KIF6: variants seen among roughly 807,000 people sequenced by gnomAD.
The protein encoded by KIF6 is kinesin-like protein KIF6.
KIF6 carries 106 observed loss-of-function variants against 112.7 expected under a neutral mutation model. The observed-to-expected ratio is 0.94, with a 90% CI of 0.80 to 1.11. The LOEUF (loss-of-function observed/expected upper bound fraction) is 1.11, where lower values mean the gene tolerates loss of function less well. Among genes scored for constraint, KIF6 ranks in the 50% least tolerant of loss-of-function variants. The probability of loss-of-function intolerance (pLI) is 0.00; values close to 1 mark genes in which losing one functional copy is unlikely to be tolerated. For synonymous variants in KIF6, 339 were observed against 339.9 expected (o/e 1.00, Z 0.03); for missense variants, 929 against 964.0 (o/e 0.96, Z 0.48).
Position 39,347,134 on chromosome 6 carries a change from A to T in KIF6, c.2181-608T>A, listed in dbSNP as rs536493514. 7.6e-4 allele frequency among the ~76,000 whole-genome samples: 116 copies of T among 152,374 alleles called. 2 individuals are homozygous for T. Among genetic ancestry groups the T allele is most frequent in the African/African-American group, 2.5e-3 (103 of 41,594 alleles). On this transcript the variant is annotated intron_variant, in intron 19 of 22. Transcript: ENST00000287152. Reference sequence around the variant, plus strand: ...CATCGTCTCCATTTTATACATGAGAAAACTGAGGCTTAGACAGATTAAAGA... The same window carrying T: ...CATCGTCTCCATTTTATACATGAGATAACTGAGGCTTAGACAGATTAAAGA...
intron 6 of KIF6, among the ~76,000 whole-genome samples, chr6:39,604,229 G>A (rs551461374): frequency 2.2e-4 from 33 of 152,230 alleles, no homozygotes; most frequent in African/African-American, 7.9e-4. Flanking sequence ...TGGCCTTTCA[G>A]GTTAAACCTC....
intron 3 of KIF6, among the ~76,000 whole-genome samples, chr6:39,712,387 T>C (rs1277962629): frequency 1.3e-5 from 2 of 152,030 alleles, no homozygotes; most frequent in Non-Finnish European, 2.9e-5. Context: ...TTCTTATTGA[T>C]AAAAGATAAA....
At chr6:39,606,312 A>G (rs1582255722) in intron 6 of KIF6, among the ~76,000 whole-genome samples, 1 of 152,006 alleles carries the variant, frequency 6.6e-6, no homozygotes, top group South Asian at 2.1e-4. Flanking sequence ...GCTATTTTTT[A>G]AAAAACAAAG....
At chr6:39,421,025 T>G (rs923747476) in intron 14 of KIF6, among the ~76,000 whole-genome samples, 3 of 152,196 alleles carry the variant, frequency 2.0e-5, no homozygotes, top group Non-Finnish European at 2.9e-5. Flanking sequence ...CTATACATAG[T>G]GGGCCCTCAT....
chr6:39,530,984 T>C (rs13199465), intron 13 of KIF6, among the ~76,000 whole-genome samples: 1 of 152,102 alleles, frequency 6.6e-6, no homozygotes, highest in African/African-American at 2.4e-5. Flanking sequence ...GCCGCCTTGA[T>C]TCATCCACAA....
chr6:39,597,680 C>T (rs1027600293), intron 6 of KIF6, among the ~76,000 whole-genome samples: 9 of 152,128 alleles, frequency 5.9e-5, no homozygotes, highest in African/African-American at 2.2e-4. Context: ...TACCATAAAA[C>T]ATGGAAGCAT....
At chr6:39,421,935 T>C (rs1195611932) in intron 14 of KIF6, among the ~76,000 whole-genome samples, 2 of 152,094 alleles carry the variant, frequency 1.3e-5, no homozygotes, top group Non-Finnish European at 2.9e-5. Context: ...ATGAGGACCA[T>C]CTTCAACTCT....
chr6:39,540,886 T>C (rs1195165146), intron 12 of KIF6, among the ~76,000 whole-genome samples: 1 of 152,238 alleles, frequency 6.6e-6, no homozygotes, highest in Admixed American at 6.5e-5. Flanking sequence ...CATTGAGATA[T>C]GCCAGGACCA....
chr6:39,610,391 A>G (rs1783151140), intron 6 of KIF6, among the ~76,000 whole-genome samples: 1 of 152,246 alleles, frequency 6.6e-6, no homozygotes, highest in African/African-American at 2.4e-5. Context: ...ATGAAAGGAA[A>G]GAGCACTCCA....
In KIF6 at chr6:39,343,635, C is replaced by T. The variant is rs1000819406; in HGVS notation, c.2428+74G>A. 4.7e-6 allele frequency: 6 copies of T among 1,275,850 alleles called. No homozygotes were observed. Among genetic ancestry groups the T allele is most frequent in the Non-Finnish European group, 6.6e-6 (6 of 907,994 alleles). The allele number at this position is 1,275,850 out of a possible 1,614,324, so 79.0% of individuals were successfully genotyped here. ...TGCAGGAAACTCCCTACTCCCCTCC[C>T]ACCTCACTGTGTGCTCCCCACAAGT... On this transcript the variant is annotated intron_variant, in intron 22 of 22. Coordinates refer to ENST00000287152, the MANE Select transcript of KIF6 (RefSeq NM_145027.6). This position sits in a 1 kb window ranked among gnomAD's most constrained non-coding sequence, Gnocchi z 4.1.
chr6:39,570,720 A>G (rs962761158), intron 10 of KIF6, among the ~76,000 whole-genome samples: 1 of 152,068 alleles, frequency 6.6e-6, no homozygotes, highest in Non-Finnish European at 1.5e-5. Context: ...TGGTTTTATA[A>G]GAGGCTTTTC....
chr6:39,495,136 C>T (rs911919521), intron 13 of KIF6, among the ~76,000 whole-genome samples: 3 of 152,186 alleles, frequency 2.0e-5, no homozygotes, highest in Non-Finnish European at 4.4e-5. Context: ...CAAAATGGGA[C>T]AAATTACTGT....
chr6:39,718,202 C>G (rs182521952), intron 2 of KIF6, among the ~76,000 whole-genome samples: 2 of 135,688 alleles, frequency 1.5e-5, no homozygotes, highest in Admixed American at 1.7e-4. Flanking sequence ...TGCACTCCAG[C>G]CTGGGCGACA....
chr6:39,642,607 C>G (rs914438859), intron 3 of KIF6, among the ~76,000 whole-genome samples: 2 of 152,016 alleles, frequency 1.3e-5, no homozygotes, highest in Admixed American at 6.6e-5. Flanking sequence ...GCCCTGTCCT[C>G]GGGGTGTTTG....
chr6:39,373,641 A>G (rs1766208011), intron 16 of KIF6, among the ~76,000 whole-genome samples: 1 of 152,168 alleles, frequency 6.6e-6, no homozygotes, highest in Non-Finnish European at 1.5e-5. Context: ...CAAAAAACCC[A>G]AAGAACAAAC....
chr6:39,621,526 A>G (rs2465678), intron 5 of KIF6, among the ~76,000 whole-genome samples: 82,054 of 152,036 alleles, frequency 0.54, 25,350 homozygotes, highest in African/African-American at 0.85. Flanking sequence ...CACCTCTACA[A>G]TGGACTGTTG....
chr6:39,370,479 C>A (rs1232628983), intron 16 of KIF6, among the ~76,000 whole-genome samples: 1 of 152,148 alleles, frequency 6.6e-6, no homozygotes, highest in Non-Finnish European at 1.5e-5. Flanking sequence ...CTGCTACTAG[C>A]CAATTTGTAA....
intron 6 of KIF6, among the ~76,000 whole-genome samples, chr6:39,597,507 C>A (rs1373257577): frequency 6.6e-6 from 1 of 151,972 alleles, no homozygotes; most frequent in East Asian, 1.9e-4. Context: ...TGACATCATA[C>A]CACAGCAAAG....
At chr6:39,398,587 AG>A (rs1248205611) in intron 15 of KIF6, among the ~76,000 whole-genome samples, 1 of 152,234 alleles carries the variant, frequency 6.6e-6, no homozygotes, top group Non-Finnish European at 1.5e-5. Context: ...TGTACATGTA[AG>A]GTAAAGATAC....
Sources: allele counts gnomAD v4.1 joint callset (sites outside exome capture counted in the v4.1 genomes callset), GRCh38; gene constraint gnomAD v4.1.1; non-coding constraint Gnocchi (gnomAD v3.1); transcripts MANE v1.5; gene names NCBI Gene and HGNC (gene_info 2026-07-23, HGNC 2026-07-21).